TG: variants seen among roughly 807,000 people sequenced by gnomAD.
TG encodes the protein thyroid hormones.
A neutral mutation model predicts 324.7 loss-of-function variants in TG; 270 were observed. That is an observed-to-expected ratio of 0.83 (90% CI 0.75 to 0.92). The LOEUF (loss-of-function observed/expected upper bound fraction) is 0.92. Ranked by LOEUF, TG falls within the 40% of genes least tolerant of loss-of-function variation. The pLI, the probability that TG is intolerant of heterozygous loss-of-function variation, is 0.00. For missense variants in TG, 3,591 were observed against 3,456.4 expected, an observed-to-expected ratio of 1.04 and a Z score of -0.98; for synonymous variants, 1,401 against 1,327.0, an observed-to-expected ratio of 1.06 and a Z score of -1.21.
intron 40 of TG, among the ~76,000 whole-genome samples, chr8:133,027,908 T>G (rs934737015): frequency 6.6e-6 from 1 of 152,212 alleles, no homozygotes; most frequent in African/African-American, 2.4e-5. Context: ...GTAACTGCCT[T>G]CTGCATTTGT....
At chr8:133,031,899 T>G (rs1173051582) in intron 41 of TG, among the ~76,000 whole-genome samples, 1 of 152,224 alleles carries the variant, frequency 6.6e-6, no homozygotes, top group African/African-American at 2.4e-5. Context: ...CTTTTCAGCC[T>G]AGAACTGAGC....
rs577308893 is a variant in TG at position 132,941,520 on chromosome 8, C to T, written c.5211C>T (p.Phe1737=). 1.5e-5 allele frequency: 24 copies of T among 1,614,176 alleles called. No individual in the cohort carries two copies. The Admixed American group carries it at 2.0e-4, about 13-fold the overall frequency. Residue 1737 remains phenylalanine, a synonymous_variant, in exon 26 of 48, where the codon TTC becomes TTT. Coordinates refer to ENST00000220616, the MANE Select transcript of TG (RefSeq NM_003235.5). The stretch of plus-strand genomic sequence containing the variant: ...ACCGTGATCTGTGTTGCGATGGCTT[C>T]GTCCTCACACAGGTTCAAGGAGGTA... ...ACDRDLCCDG[F]VLTQVQGGAI...
intron 41 of TG, among the ~76,000 whole-genome samples, chr8:133,086,068 T>C (rs1186127161): frequency 6.6e-6 from 1 of 152,230 alleles, no homozygotes. Context: ...TAATACCTGC[T>C]ATAAGATGGA....
intron 34 of TG, among the ~76,000 whole-genome samples, chr8:132,981,863 T>C (rs1293493582): frequency 6.6e-6 from 1 of 152,050 alleles, no homozygotes; most frequent in Non-Finnish European, 1.5e-5. Context: ...CATAATAGGA[T>C]TGAAGGCTCT....
At chr8:132,965,666 A>T (rs1828456796) in intron 29 of TG, among the ~76,000 whole-genome samples, 1 of 152,194 alleles carries the variant, frequency 6.6e-6, no homozygotes, top group South Asian at 2.1e-4. Context: ...GAGTCACAGG[A>T]CATCAGAGCC....
chr8:132,912,593 G>T (rs201574753), intron 19 of TG, among the ~76,000 whole-genome samples: 5 of 152,068 alleles, frequency 3.3e-5, no homozygotes, highest in Non-Finnish European at 5.9e-5. Context: ...CTTTCTTTTT[G>T]AGTGGCCACT....
At chr8:133,049,482 C>T in intron 41 of TG, 1 of 283,140 alleles carries the variant, frequency 3.5e-6, no homozygotes, top group Admixed American at 4.5e-5. Context: ...ATGTTATGAT[C>T]TCTACTTGAC....
chr8:133,098,141 C>T (rs1848713158), intron 43 of TG, among the ~76,000 whole-genome samples: 1 of 152,192 alleles, frequency 6.6e-6, no homozygotes, highest in Non-Finnish European at 1.5e-5. Context: ...GACAAGACAA[C>T]CATTCAGGAA....
intron 41 of TG, among the ~76,000 whole-genome samples, chr8:133,070,301 C>T (rs1036019740): frequency 1.9e-4 from 29 of 152,092 alleles, no homozygotes; most frequent in Admixed American, 1.3e-4. Context: ...ACCACTGGAG[C>T]GAACCGACTC....
At chr8:132,934,656 G>C (rs1331788548) in intron 24 of TG, among the ~76,000 whole-genome samples, 1 of 152,180 alleles carries the variant, frequency 6.6e-6, no homozygotes, top group African/African-American at 2.4e-5. Flanking sequence ...GTGAGTTCAG[G>C]CTTTCTGCAA....
At chr8:132,902,010 T>C (rs945122809) in intron 16 of TG, among the ~76,000 whole-genome samples, 2 of 152,238 alleles carry the variant, frequency 1.3e-5, no homozygotes, top group Admixed American at 1.3e-4. Context: ...CATCAATATA[T>C]AGAATATTGA....
chr8:133,019,120 C>G (rs1013668748), intron 38 of TG, among the ~76,000 whole-genome samples: 1 of 152,160 alleles, frequency 6.6e-6, no homozygotes, highest in Non-Finnish European at 1.5e-5. Flanking sequence ...AGCCAAGTCA[C>G]CCATTGGGTA....
chr8:132,878,201 G>A (rs958923205), intron 5 of TG, among the ~76,000 whole-genome samples: 2 of 152,150 alleles, frequency 1.3e-5, no homozygotes, highest in African/African-American at 4.8e-5. Context: ...ATTGATGATG[G>A]AGGGAACTTG....
At position 132,966,706 on chromosome 8, in the gene TG, C is replaced by G. The variant is rs1218236388; in HGVS notation, c.5686+9C>G. 5.6e-6 allele frequency: 9 copies of G among 1,613,908 alleles called. No homozygotes were observed. In the South Asian group the frequency reaches 9.9e-5, roughly 18 times the overall value. On this transcript the variant is annotated intron_variant, in intron 30 of 47. Transcript: ENST00000220616. ...CCTATGGTGCCTTTCTCGTAAGTAT[C>G]CTTAGAACTCATTCTTCTTCTTCCA...
At chr8:132,891,041 A>G (rs1430459316) in intron 10 of TG, among the ~76,000 whole-genome samples, 1 of 152,230 alleles carries the variant, frequency 6.6e-6, no homozygotes, top group Non-Finnish European at 1.5e-5. Context: ...CAGGAAAGTA[A>G]TAAATGGCAA....
intron 35 of TG, chr8:133,002,839 C>T: frequency 4.6e-6 from 1 of 218,990 alleles, no homozygotes; most frequent in South Asian, 9.4e-5. Context: ...AGAATCATGC[C>T]CTTGTTCATT....
rs1391048126 is a variant in TG, at chr8:133,057,721, G to T, written c.7239+27698G>T. Among the ~76,000 whole-genome samples, 3 of 143,792 alleles carry T rather than the reference G, an allele frequency of 2.1e-5. No homozygotes were observed. In the East Asian group the frequency reaches 6.0e-4, roughly 29 times the overall value. 94.3% of individuals were successfully genotyped at this position (143,792 alleles called of 152,430 possible). On this transcript the variant is annotated intron_variant, in intron 41 of 47. Transcript: ENST00000220616. ...GTAGGTTTAAGACATTAGTTCCTGA[G>T]AAATTGACTAATCAAGAATATTCTG...
In TG at chr8:132,923,451, G is replaced by C; in HGVS notation, c.4642G>C (p.Gly1548Arg). The change falls in exon 22 of 48, where the codon GGG becomes CGG. Residue 1548 changes from glycine (G) to arginine (R), a missense_variant. Coordinates refer to ENST00000220616, the MANE Select transcript of TG (RefSeq NM_003235.5). Reference sequence around the variant, plus strand: ...GAAGGCCTTCTGTGTGGACGGCGAGGGGCGGAGGCTGCCATGGTGGGAAAC... The same window carrying C: ...GAAGGCCTTCTGTGTGGACGGCGAGCGGCGGAGGCTGCCATGGTGGGAAAC... ...SGKAFCVDGE[G>R]RRLPWWETEA... The C allele has an allele frequency of 1.2e-6, 2 of 1,614,132 alleles. No individual in the cohort carries two copies. Among genetic ancestry groups the C allele is most frequent in the Non-Finnish European group, 1.7e-6 (2 of 1,180,034 alleles).
At chr8:133,123,520 G>A (rs544828083) in intron 45 of TG, among the ~76,000 whole-genome samples, 5 of 152,100 alleles carry the variant, frequency 3.3e-5, no homozygotes, top group Non-Finnish European at 7.4e-5. Context: ...TGCTTATTCT[G>A]CTGGGATCCT....
Sources: allele counts gnomAD v4.1 joint callset (sites outside exome capture counted in the v4.1 genomes callset), GRCh38; gene constraint gnomAD v4.1.1; transcripts MANE v1.5; gene names NCBI Gene and HGNC (gene_info 2026-07-23, HGNC 2026-07-21).